PLAC1: variants seen among roughly 807,000 people sequenced by gnomAD.
The protein encoded by PLAC1 is placenta-specific protein 1.
For synonymous variants in PLAC1, 68 were observed against 62.1 expected, an observed-to-expected ratio of 1.09 and a Z score of -0.44; for missense variants, 136 against 163.2, an observed-to-expected ratio of 0.83 and a Z score of 0.91.
At chrX:134,653,192 G>T (rs965276817) in intron 1 of PLAC1, among the ~76,000 whole-genome samples, 49 of 112,153 alleles carry the variant, frequency 4.4e-4, no homozygotes, top group Non-Finnish European at 7.7e-4. Flanking sequence ...CAGGCCTGAT[G>T]GCTCATCTCT....
At chrX:134,691,166 C>A (rs1317273373) in intron 2 of PLAC1, among the ~76,000 whole-genome samples, 3 of 100,454 alleles carry the variant, frequency 3.0e-5, no homozygotes, top group African/African-American at 1.1e-4. Context: ...ATACCACCTA[C>A]CTTACAGGGC....
At chrX:134,603,317 T>TATATATA (rs1569384392) in intron 1 of PLAC1, among the ~76,000 whole-genome samples, 1 of 12,811 alleles carries the variant, frequency 7.8e-5, no homozygotes, top group African/African-American at 3.7e-4. Flanking sequence ...ATATATATTT[T>TATATATA]TTTTTTTTTT....
At chrX:134,724,393 C>T (rs896523053) in intron 2 of PLAC1, among the ~76,000 whole-genome samples, 3 of 112,040 alleles carry the variant, frequency 2.7e-5, no homozygotes, top group Non-Finnish European at 3.8e-5. Context: ...CATGATAAGG[C>T]CCTCAGAATC....
chrX:134,713,429 C>T (rs1208753672), intron 2 of PLAC1, among the ~76,000 whole-genome samples: 2 of 111,682 alleles, frequency 1.8e-5, no homozygotes, highest in East Asian at 2.8e-4. Flanking sequence ...ACATATTTGC[C>T]GGGAGAGGGT....
At chrX:134,723,471 C>T (rs1428453788) in intron 2 of PLAC1, among the ~76,000 whole-genome samples, 2 of 109,170 alleles carry the variant, frequency 1.8e-5, no homozygotes, top group East Asian at 2.9e-4. Flanking sequence ...CACACCTGGC[C>T]GATTTTGTAA....
intron 2 of PLAC1, chrX:134,600,952 A>G (rs1388419135): frequency 1.8e-5 from 2 of 111,158 alleles, no homozygotes; most frequent in Non-Finnish European, 3.8e-5. Context: ...ACTTCAAAGG[A>G]TCCTCACATC....
At chrX:134,642,695 A>G (rs1328118332) in intron 1 of PLAC1, among the ~76,000 whole-genome samples, 1 of 111,515 alleles carries the variant, frequency 9.0e-6, no homozygotes, top group Non-Finnish European at 1.9e-5. Context: ...AGGATATTCT[A>G]GACAGATGAG....
At chrX:134,639,360 T>A (rs1436296336) in intron 1 of PLAC1, among the ~76,000 whole-genome samples, 3 of 111,941 alleles carry the variant, frequency 2.7e-5, no homozygotes, top group Non-Finnish European at 3.8e-5. Context: ...TTCTTAAGAA[T>A]AATTCCAGAT....
At chrX:134,676,276 G>A (rs1026778822) in intron 2 of PLAC1, among the ~76,000 whole-genome samples, 3 of 111,298 alleles carry the variant, frequency 2.7e-5, no homozygotes, top group African/African-American at 6.5e-5. Flanking sequence ...GGGGGCTGGC[G>A]GGAATAGGGG....
chrX:134,737,041 A>G (rs976901106), intron 1 of PLAC1, among the ~76,000 whole-genome samples: 2 of 112,463 alleles, frequency 1.8e-5, no homozygotes, highest in Non-Finnish European at 3.8e-5. Flanking sequence ...TCAAAATAGC[A>G]GTGTATCTAG....
At chrX:134,683,588 T>C (rs1169306234) in intron 2 of PLAC1, among the ~76,000 whole-genome samples, 5 of 111,944 alleles carry the variant, frequency 4.5e-5, no homozygotes, top group Non-Finnish European at 9.4e-5. Flanking sequence ...TCGGCCCAGA[T>C]TGAAAACAGA....
chrX:134,630,242 A>G (rs1320833860), intron 1 of PLAC1, among the ~76,000 whole-genome samples: 1 of 111,885 alleles, frequency 8.9e-6, no homozygotes, highest in African/African-American at 3.3e-5. Context: ...AAGTGCTGGG[A>G]TTACAGGCGT....
At chrX:134,588,887 G>C (rs1483277627) in intron 2 of PLAC1, among the ~76,000 whole-genome samples, 1 of 111,726 alleles carries the variant, frequency 9.0e-6, no homozygotes, top group Non-Finnish European at 1.9e-5. Flanking sequence ...AACTCAGCCA[G>C]AAAGGACCCT....
At chrX:134,630,405 G>A (rs1237992770) in intron 1 of PLAC1, among the ~76,000 whole-genome samples, 1 of 112,370 alleles carries the variant, frequency 8.9e-6, no homozygotes, top group Non-Finnish European at 1.9e-5. Flanking sequence ...ATGAGTGGGA[G>A]AGAAGGAGGT....
intron 1 of PLAC1, among the ~76,000 whole-genome samples, chrX:134,658,034 A>ATG (rs776211082): frequency 9.0e-6 from 1 of 111,467 alleles, no homozygotes; most frequent in African/African-American, 3.3e-5. Context: ...TTTTAGATCT[A>ATG]TGTGTGTGTG....
intron 1 of PLAC1, chrX:134,607,030 A>C (rs1305127469): frequency 8.9e-6 from 1 of 112,436 alleles, no homozygotes; most frequent in Non-Finnish European, 1.9e-5. Context: ...CATCTGTACA[A>C]AATATTTTAA....
intron 1 of PLAC1, among the ~76,000 whole-genome samples, chrX:134,747,418 C>T (rs1391775697): frequency 9.0e-6 from 1 of 111,665 alleles, no homozygotes; most frequent in South Asian, 3.8e-4. Flanking sequence ...TGCTATATTT[C>T]GAGTTGCCTG....
At chrX:134,644,827 A>G (rs1194194471) in intron 1 of PLAC1, among the ~76,000 whole-genome samples, 1 of 111,392 alleles carries the variant, frequency 9.0e-6, no homozygotes, top group Non-Finnish European at 1.9e-5. Context: ...AATGTTTTCT[A>G]TTCTCACTCT....
chrX:134,699,317 T>C (rs1455061419), intron 2 of PLAC1, among the ~76,000 whole-genome samples: 1 of 111,320 alleles, frequency 9.0e-6, no homozygotes, highest in African/African-American at 3.3e-5. Flanking sequence ...CCTTATTGCC[T>C]CCTCTGCCCT....
Sources: allele counts gnomAD v4.1 joint callset (sites outside exome capture counted in the v4.1 genomes callset), GRCh38; gene constraint gnomAD v4.1.1; transcripts MANE v1.5; gene names NCBI Gene and HGNC (gene_info 2026-07-23, HGNC 2026-07-21).